MYO16: variants seen among roughly 807,000 people sequenced by gnomAD.
MYO16 encodes the protein unconventional myosin-XVI.
MYO16 carries 94 observed loss-of-function variants against 205.3 expected under a neutral mutation model. The observed-to-expected ratio is 0.46, with a 90% confidence interval of 0.39 to 0.54. The LOEUF (loss-of-function observed/expected upper bound fraction) is 0.54. Ranked by LOEUF, MYO16 falls within the 20% of genes least tolerant of loss-of-function variation. The pLI, the probability that MYO16 is intolerant of heterozygous loss-of-function variation, is 0.00. For missense variants in MYO16, 2,315 were observed against 2,387.5 expected (o/e 0.97, Z 0.63); for synonymous variants, 988 against 954.0 (o/e 1.04, Z -0.66).
At chr13:108,876,882 G>T (rs541715311) in intron 12 of MYO16, among the ~76,000 whole-genome samples, 2 of 152,078 alleles carry the variant, frequency 1.3e-5, no homozygotes, top group East Asian at 1.9e-4. Flanking sequence ...TAGCCGGGAT[G>T]GTCTCAATCT....
the MYO16 span, among the ~76,000 whole-genome samples, chr13:108,506,504 C>G: frequency 6.6e-6 from 1 of 151,942 alleles, no homozygotes; most frequent in African/African-American, 2.4e-5. Flanking sequence ...TTTTGCATGT[C>G]AATTCTGGAT....
chr13:109,130,904 A>T (rs1876502838), intron 31 of MYO16, among the ~76,000 whole-genome samples: 1 of 152,344 alleles, frequency 6.6e-6, no homozygotes, highest in Admixed American at 6.5e-5. Context: ...TTCCTCCATC[A>T]TCAGTCACTT....
At chr13:109,189,029 G>T (rs1021614488) in intron 34 of MYO16, among the ~76,000 whole-genome samples, 1 of 151,976 alleles carries the variant, frequency 6.6e-6, no homozygotes, top group Non-Finnish European at 1.5e-5. Context: ...GGGAGGCGAA[G>T]GTTGCAGTGA....
intron 9 of MYO16, among the ~76,000 whole-genome samples, chr13:108,833,235 C>T (rs1226214015): frequency 6.7e-5 from 10 of 150,038 alleles, no homozygotes; most frequent in Non-Finnish European, 1.0e-4. Context: ...TAATATTTTA[C>T]CATAATGGTC....
chr13:108,724,187 G>A (rs983143831), intron 3 of MYO16, among the ~76,000 whole-genome samples: 1 of 151,952 alleles, frequency 6.6e-6, no homozygotes, highest in African/African-American at 2.4e-5. Context: ...CTTAATTATT[G>A]GTTCTAATAA....
At chr13:109,015,936 G>A (rs1278534836) in intron 22 of MYO16, among the ~76,000 whole-genome samples, 1 of 151,852 alleles carries the variant, frequency 6.6e-6, no homozygotes, top group Non-Finnish European at 1.5e-5. Flanking sequence ...TGATTTTTTT[G>A]AAGGGTTTTT....
chr13:109,009,492 G>A (rs1885519824), intron 22 of MYO16, among the ~76,000 whole-genome samples: 1 of 152,096 alleles, frequency 6.6e-6, no homozygotes, highest in African/African-American at 2.4e-5. Flanking sequence ...CATATATAAT[G>A]TCGGTTAAAT....
intron 27 of MYO16, among the ~76,000 whole-genome samples, chr13:109,074,729 C>G (rs1186908573): frequency 2.0e-5 from 3 of 152,104 alleles, no homozygotes; most frequent in African/African-American, 7.2e-5. Flanking sequence ...TGAGAACTCA[C>G]TATCACAAAA....
Position 109,164,894 on chromosome 13 carries a change from A to AT in MYO16, c.5165-3dup. On this transcript the variant is annotated splice_region_variant and splice_polypyrimidine_tract_variant and intron_variant, in intron 32 of 34. Coordinates refer to ENST00000457511, the MANE Select transcript of MYO16 (RefSeq NM_001198950.3). The stretch of plus-strand genomic sequence containing the variant: ...AAAATAATTATGTTTTCTAAAATTT[A>AT]TTTTAGGTTTTGAAACTAACATGAA... The AT allele has an allele frequency of 1.3e-6, 2 of 1,539,110 alleles. No individual in the cohort carries two copies. The highest frequency in any genetic ancestry group is 4.6e-5 in the East Asian group (2 of 43,264).
chr13:108,813,488 T>A (rs1887357982), intron 7 of MYO16, among the ~76,000 whole-genome samples: 1 of 152,138 alleles, frequency 6.6e-6, no homozygotes, highest in Non-Finnish European at 1.5e-5. Context: ...GAGTGCTGGC[T>A]CCAAATACTC....
chr13:109,124,092 C>G (rs1876123834), intron 29 of MYO16, among the ~76,000 whole-genome samples: 1 of 152,168 alleles, frequency 6.6e-6, no homozygotes, highest in Non-Finnish European at 1.5e-5. Context: ...CGTCACTGTG[C>G]TGGCCTTGTA....
chr13:108,908,368 GATTAGCTAA>G (rs1164588747), intron 15 of MYO16, among the ~76,000 whole-genome samples: 2 of 152,184 alleles, frequency 1.3e-5, no homozygotes, highest in African/African-American at 2.4e-5. Context: ...TGTGATATCT[GATTAGCTAA>G]ATTGACCACT....
chr13:108,715,398 C>A (rs1883902732), intron 3 of MYO16, among the ~76,000 whole-genome samples: 1 of 152,190 alleles, frequency 6.6e-6, no homozygotes, highest in East Asian at 1.9e-4. Context: ...TTATCTTGTT[C>A]TTTCCCATCT....
At chr13:109,152,227 A>G (rs1877712225) in intron 32 of MYO16, among the ~76,000 whole-genome samples, 1 of 152,212 alleles carries the variant, frequency 6.6e-6, no homozygotes, top group Middle Eastern at 3.2e-3. Flanking sequence ...TAATTGCTAA[A>G]TTGCCTTTCG....
chr13:109,153,352 G>A (rs561148393), intron 32 of MYO16, among the ~76,000 whole-genome samples: 18 of 152,216 alleles, frequency 1.2e-4, no homozygotes, highest in African/African-American at 3.9e-4. Context: ...TTCAAAGGGC[G>A]TGATCAAATT....
At chr13:108,943,551 G>A (rs1278952247) in intron 16 of MYO16, among the ~76,000 whole-genome samples, 2 of 152,010 alleles carry the variant, frequency 1.3e-5, no homozygotes, top group Non-Finnish European at 2.9e-5. Flanking sequence ...TCTGCCTCCT[G>A]GGTTTAAGCG....
At chr13:108,872,778 T>C (rs1345458828) in intron 12 of MYO16, among the ~76,000 whole-genome samples, 3 of 151,952 alleles carry the variant, frequency 2.0e-5, no homozygotes, top group South Asian at 4.2e-4. Flanking sequence ...AAAATAAAAA[T>C]GGAAAATAAA....
intron 16 of MYO16, among the ~76,000 whole-genome samples, chr13:108,949,091 T>A (rs1015366927): frequency 2.0e-5 from 3 of 152,250 alleles, no homozygotes; most frequent in African/African-American, 7.2e-5. Flanking sequence ...AACCATTTCT[T>A]GTCCAAAGCA....
intron 1 of MYO16, 115 bp downstream of exon 1, chr13:108,629,987 T>C (rs1357778434): frequency 5.2e-6 from 4 of 766,578 alleles, no homozygotes; most frequent in Non-Finnish European, 6.2e-6. Flanking sequence ...ATGAGTGACA[T>C]AGACTGGTGA....
Sources: allele counts gnomAD v4.1 joint callset (sites outside exome capture counted in the v4.1 genomes callset), GRCh38; gene constraint gnomAD v4.1.1; transcripts MANE v1.5; gene names NCBI Gene and HGNC (gene_info 2026-07-23, HGNC 2026-07-21).